The following NRXN1 variants were observed in gnomAD, a reference collection of about 807,000 sequenced individuals.
The protein encoded by NRXN1 is neurexin-1.
A neutral mutation model predicts 150.9 loss-of-function variants in NRXN1; 39 were observed. The observed-to-expected ratio is 0.26, with a 90% confidence interval of 0.20 to 0.34. NRXN1 has a LOEUF of 0.34. NRXN1 is among the 10% of genes least tolerant of loss of function. NRXN1 has a pLI of 1.00. For missense variants in NRXN1, 1,815 were observed against 1,949.9 expected (o/e 0.93, Z 1.30); for synonymous variants, 924 against 757.0 (o/e 1.22, Z -3.62).
intron 17 of NRXN1, among the ~76,000 whole-genome samples, chr2:50,414,751 G>T (rs1380853080): frequency 5.3e-5 from 8 of 152,000 alleles, no homozygotes; most frequent in African/African-American, 1.4e-4. Context: ...TTTTGAGGTT[G>T]TATAACCTTT....
intron 17 of NRXN1, among the ~76,000 whole-genome samples, chr2:50,249,600 A>T (rs958778242): frequency 3.3e-5 from 5 of 151,840 alleles, no homozygotes; most frequent in Admixed American, 2.0e-4. Context: ...GCTTTTTCTC[A>T]ACTATCATGA....
rs148421190 is a variant in NRXN1 at position 50,029,382 on chromosome 2, C to A, written c.4128+23889G>T. Reference sequence around the variant, plus strand: ...CACTACGGACTGAATTAGGTCCCTGCCCAAATCCATATATATCAAAGCCCT... The same window carrying A: ...CACTACGGACTGAATTAGGTCCCTGACCAAATCCATATATATCAAAGCCCT... On this transcript the variant is annotated intron_variant, in intron 21 of 22. Coordinates refer to ENST00000401669, the MANE Select transcript of NRXN1 (RefSeq NM_001330078.2). Among the ~76,000 whole-genome samples, 16 of 152,220 alleles carry A rather than the reference C, an allele frequency of 1.1e-4. No homozygotes were observed. The East Asian group carries it at 3.1e-3, about 29-fold the overall frequency.
intron 17 of NRXN1, among the ~76,000 whole-genome samples, chr2:50,463,524 G>A (rs931265878): frequency 6.6e-6 from 1 of 151,712 alleles, no homozygotes; most frequent in African/African-American, 2.4e-5. Flanking sequence ...CACATTTATT[G>A]AATGACATTT....
chr2:50,270,886 T>C (rs1240063919), intron 17 of NRXN1, among the ~76,000 whole-genome samples: 1 of 152,100 alleles, frequency 6.6e-6, no homozygotes, highest in Non-Finnish European at 1.5e-5. Context: ...GGCGAACTCC[T>C]AACCTCAAAT....
intron 5 of NRXN1, among the ~76,000 whole-genome samples, chr2:50,740,948 T>C (rs1010488542): frequency 6.6e-6 from 1 of 152,150 alleles, no homozygotes; most frequent in African/African-American, 2.4e-5. Context: ...AGGAAACAAT[T>C]AGATATGATC....
intron 17 of NRXN1, among the ~76,000 whole-genome samples, chr2:50,403,786 A>C (rs1281848808): frequency 1.3e-5 from 2 of 152,128 alleles, no homozygotes; most frequent in African/African-American, 2.4e-5. Flanking sequence ...TAAGAATTTT[A>C]AAATGCAGAT....
chr2:50,184,339 C>A (rs2060928918), intron 18 of NRXN1, among the ~76,000 whole-genome samples: 1 of 151,938 alleles, frequency 6.6e-6, no homozygotes, highest in Non-Finnish European at 1.5e-5. Flanking sequence ...CAGGGATCCA[C>A]ATTTTGTTGA....
chr2:50,076,202 G>A (rs913061808), intron 19 of NRXN1, among the ~76,000 whole-genome samples: 1 of 152,200 alleles, frequency 6.6e-6, no homozygotes, highest in African/African-American at 2.4e-5. Context: ...GTCTGCCAGG[G>A]TCAGGAGGAA....
rs200119250 is a variant in NRXN1, at chr2:50,907,186, C to CA, written c.832+14682dup. On this transcript the variant is annotated intron_variant, in intron 5 of 22. Transcript: ENST00000401669. Reference sequence around the variant, plus strand: ...AAGAATCTGAAAAAAACCAAAAAACCAAAAAAAAAAACAAAAAAATAAACC... The same window carrying CA: ...AAGAATCTGAAAAAAACCAAAAAACCAAAAAAAAAAAACAAAAAAATAAACC... 4.4e-3 allele frequency among the ~76,000 whole-genome samples: 615 copies of CA among 140,866 alleles called. 6 individuals carry two copies. The highest frequency in any genetic ancestry group is 9.0e-3 in the African/African-American group (347 of 38,590). The allele number at this position is 140,866 out of a possible 152,430, so 92.4% of individuals were successfully genotyped here. A position where few individuals can be genotyped will look rare whatever the true frequency, so the allele number is the denominator to read the frequency against.
chr2:50,053,211 A>G (rs1403932988), intron 21 of NRXN1, 60 bp downstream of exon 21: 21 of 1,563,470 alleles, frequency 1.3e-5, no homozygotes, highest in Non-Finnish European at 1.7e-5. Flanking sequence ...CATATGCAGA[A>G]AAGCCCACTA....
At chr2:49,925,101 C>G (rs187867868) in intron 22 of NRXN1, among the ~76,000 whole-genome samples, 5 of 151,918 alleles carry the variant, frequency 3.3e-5, no homozygotes, top group East Asian at 3.9e-4. Flanking sequence ...ACCATTTTGG[C>G]CAACATGGTG....
Position 50,514,823 on chromosome 2 carries a change from C to T in NRXN1, c.2375-8206G>A, listed in dbSNP as rs1029562435. ...ATTGCATATTAAAGAATAACAGAAA[C>T]ATACTCAAGAATTTAAGTGCGAGGA... is the stretch of plus-strand genomic sequence containing the variant. On this transcript the variant is annotated intron_variant, in intron 12 of 22. Transcript: ENST00000401669. Among the ~76,000 whole-genome samples, 5 of 152,148 alleles carry T rather than the reference C, an allele frequency of 3.3e-5. No individual in the cohort carries two copies. In the East Asian group the frequency reaches 7.7e-4, roughly 23 times the overall value.
rs552952444 is a variant in NRXN1, at chr2:50,928,354, A to T, written c.773-2399T>A. Among the ~76,000 whole-genome samples the T allele has an allele frequency of 3.3e-5, 5 of 152,104 alleles. No homozygotes were observed. The East Asian group carries it at 9.7e-4, about 30-fold the overall frequency. On this transcript the variant is annotated intron_variant, in intron 2 of 22. Coordinates refer to ENST00000401669, the MANE Select transcript of NRXN1 (RefSeq NM_001330078.2). ...CATATACTTTCAGATTCAATCTCAG[A>T]ATAAAAATCCTCTTTCCTCTTCCAT...
At chr2:50,858,385 C>T (rs545562570) in intron 5 of NRXN1, among the ~76,000 whole-genome samples, 1 of 152,106 alleles carries the variant, frequency 6.6e-6, no homozygotes, top group East Asian at 1.9e-4. Flanking sequence ...ACTTGGATGG[C>T]TGCTATCTGA....
At chr2:50,716,670 T>A (rs1289501401) in intron 5 of NRXN1, among the ~76,000 whole-genome samples, 1 of 152,136 alleles carries the variant, frequency 6.6e-6, no homozygotes, top group Admixed American at 6.5e-5. Context: ...TACATCTCAA[T>A]GTAATGGAAA....
intron 5 of NRXN1, among the ~76,000 whole-genome samples, chr2:50,832,486 C>T (rs767736825): frequency 9.2e-5 from 14 of 152,076 alleles, no homozygotes; most frequent in Non-Finnish European, 1.0e-4. Context: ...AACCTCATCT[C>T]TACTAAAAAT....
chr2:50,011,895 T>C (rs561366925), intron 21 of NRXN1, among the ~76,000 whole-genome samples: 1 of 152,190 alleles, frequency 6.6e-6, no homozygotes, highest in East Asian at 1.9e-4. Context: ...CTCAAACAAA[T>C]GAATATTCTT....
At chr2:50,212,391 A>G (rs2063094301) in intron 18 of NRXN1, among the ~76,000 whole-genome samples, 1 of 150,926 alleles carries the variant, frequency 6.6e-6, no homozygotes, top group Non-Finnish European at 1.5e-5. Flanking sequence ...TTCCCTCTTC[A>G]CCTATATGGC....
At chr2:50,764,355 T>C (rs1418839270) in intron 5 of NRXN1, among the ~76,000 whole-genome samples, 1 of 151,964 alleles carries the variant, frequency 6.6e-6, no homozygotes, top group African/African-American at 2.4e-5. Context: ...GTGCAAACCA[T>C]ATGTACCAAT....
Sources: allele counts gnomAD v4.1 joint callset (sites outside exome capture counted in the v4.1 genomes callset), GRCh38; gene constraint gnomAD v4.1.1; transcripts MANE v1.5; gene names NCBI Gene and HGNC (gene_info 2026-07-23, HGNC 2026-07-21).